Variants in NRXN3 observed in about 807,000 individuals in gnomAD.
NRXN3 encodes neurexin 3, also known as neurexin III.
In NRXN3, 32 loss-of-function variants were observed where a neutral mutation model predicts 137.6. The observed-to-expected ratio is 0.23, with a 90% confidence interval of 0.18 to 0.31. The LOEUF (loss-of-function observed/expected upper bound fraction) is 0.31, where lower values mean the gene tolerates loss of function less well. NRXN3 is among the 10% of genes least tolerant of loss of function. The probability of loss-of-function intolerance (pLI) is 1.00; values close to 1 mark genes in which losing one functional copy is unlikely to be tolerated. For synonymous variants in NRXN3, 798 were observed against 784.5 expected (o/e 1.02, Z -0.29); for missense variants, 1,574 against 2,062.5 (o/e 0.76, Z 4.59).
At chr14:79,255,092 T>C (rs79544990) in intron 15 of NRXN3, among the ~76,000 whole-genome samples, 1 of 151,674 alleles carries the variant, frequency 6.6e-6, no homozygotes, top group Non-Finnish European at 1.5e-5. Flanking sequence ...CACAATGACT[T>C]CTTCTTTCTG....
intron 15 of NRXN3, among the ~76,000 whole-genome samples, chr14:79,359,177 A>C (rs1368277904): frequency 2.0e-5 from 3 of 152,206 alleles, no homozygotes; most frequent in Admixed American, 6.5e-5. Context: ...GGTAGCAAAG[A>C]CAATTCTTTC....
chr14:78,708,324 T>C (rs1357162773), intron 6 of NRXN3, among the ~76,000 whole-genome samples: 2 of 152,230 alleles, frequency 1.3e-5, no homozygotes, highest in East Asian at 3.8e-4. Flanking sequence ...TTCAGTATTC[T>C]TTGTAAAATC....
At chr14:78,656,285 G>C (rs976823003) in intron 6 of NRXN3, among the ~76,000 whole-genome samples, 3 of 152,220 alleles carry the variant, frequency 2.0e-5, no homozygotes, top group Admixed American at 6.5e-5. Flanking sequence ...TTACAATGTG[G>C]CTGCTGAGGA....
intron 8 of NRXN3, among the ~76,000 whole-genome samples, chr14:78,773,706 G>A (rs190621963): frequency 6.6e-6 from 1 of 152,002 alleles, no homozygotes; most frequent in African/African-American, 2.4e-5. Flanking sequence ...TGACATCTTC[G>A]CCAGCCTGAG....
intron 3 of NRXN3, among the ~76,000 whole-genome samples, chr14:78,289,035 C>A (rs955803300): frequency 3.3e-5 from 5 of 152,260 alleles, no homozygotes; most frequent in South Asian, 2.1e-4. Context: ...CATGGAAGGG[C>A]AAAACCCAGA....
intron 4 of NRXN3, among the ~76,000 whole-genome samples, chr14:78,480,603 T>C (rs928916354): frequency 2.6e-5 from 4 of 152,180 alleles, no homozygotes; most frequent in African/African-American, 9.7e-5. Context: ...ATATTTACTA[T>C]TTTTTTCACA....
intron 8 of NRXN3, among the ~76,000 whole-genome samples, chr14:78,757,409 T>TAAAAAAAAAA (rs59969129): frequency 1.4e-5 from 2 of 138,592 alleles, no homozygotes; most frequent in East Asian, 4.1e-4. Flanking sequence ...TTCCATCTCT[T>TAAAAAAAAAA]AAAAAAAAAA....
chr14:78,343,862 G>A (rs1253732466), intron 4 of NRXN3, among the ~76,000 whole-genome samples: 4 of 152,172 alleles, frequency 2.6e-5, no homozygotes, highest in African/African-American at 9.6e-5. Context: ...GTATTATAAA[G>A]CTCCCCAGGA....
At chr14:78,913,555 G>A (rs2099246705) in intron 10 of NRXN3, among the ~76,000 whole-genome samples, 1 of 151,886 alleles carries the variant, frequency 6.6e-6, no homozygotes, top group Admixed American at 6.6e-5. Context: ...TGGGATTATA[G>A]ATGTGAGCCA....
intron 15 of NRXN3, among the ~76,000 whole-genome samples, chr14:79,090,860 AT>A (rs1431593412): frequency 6.6e-6 from 1 of 152,104 alleles, no homozygotes; most frequent in Non-Finnish European, 1.5e-5. Context: ...TTGACTGAAA[AT>A]TTCCCAGCAT....
chr14:79,621,179 A>T (rs1819437905), intron 16 of NRXN3, among the ~76,000 whole-genome samples: 1 of 152,202 alleles, frequency 6.6e-6, no homozygotes, highest in African/African-American at 2.4e-5. Flanking sequence ...ACTATTAAGC[A>T]TTTAGCCCAA....
chr14:79,021,322 C>A (rs942111810), intron 15 of NRXN3, among the ~76,000 whole-genome samples: 1 of 152,088 alleles, frequency 6.6e-6, no homozygotes, highest in African/African-American at 2.4e-5. Context: ...CAAGAGCCAG[C>A]AGAACAATAC....
chr14:78,572,742 A>AT (rs1006963929), intron 4 of NRXN3, among the ~76,000 whole-genome samples: 1 of 152,104 alleles, frequency 6.6e-6, no homozygotes, highest in African/African-American at 2.4e-5. Context: ...TATATTTTAC[A>AT]TTTTTTGCTT....
chr14:78,172,738 C>T (rs566062521), intron 1 of NRXN3, among the ~76,000 whole-genome samples: 30 of 152,126 alleles, frequency 2.0e-4, no homozygotes, highest in African/African-American at 6.3e-4. Context: ...CCGGACTGTG[C>T]GAATGCCCTT....
At chr14:79,826,012 T>TG (rs201302933) in intron 20 of NRXN3, among the ~76,000 whole-genome samples, 2,204 of 150,740 alleles carry the variant, frequency 0.015, 51 homozygotes, top group African/African-American at 0.05. Context: ...TTTTTTTTTG[T>TG]GGGGGGACAG....
intron 4 of NRXN3, among the ~76,000 whole-genome samples, chr14:78,416,267 C>T (rs2093132077): frequency 6.6e-6 from 1 of 152,120 alleles, no homozygotes; most frequent in African/African-American, 2.4e-5. Context: ...AGACATTTAC[C>T]ATGATGACTT....
At chr14:79,209,107 T>A (rs1399278757) in intron 15 of NRXN3, among the ~76,000 whole-genome samples, 1 of 151,988 alleles carries the variant, frequency 6.6e-6, no homozygotes, top group Non-Finnish European at 1.5e-5. Flanking sequence ...CCTGGCTAAT[T>A]TTTTGTGTTT....
intron 4 of NRXN3, among the ~76,000 whole-genome samples, chr14:78,407,150 G>C (rs1477581290): frequency 6.6e-6 from 1 of 152,116 alleles, no homozygotes; most frequent in Non-Finnish European, 1.5e-5. Context: ...CATATCCTGA[G>C]GTCCTGAGTG....
In NRXN3 at chr14:79,535,917, A is replaced by G. The variant is rs368155611; in HGVS notation, c.3444+68515A>G. Among the ~76,000 whole-genome samples, 9 of 152,298 alleles carry G rather than the reference A, an allele frequency of 5.9e-5. No homozygotes were observed. In the East Asian group the frequency reaches 9.7e-4, roughly 16 times the overall value. On this transcript the variant is annotated intron_variant, in intron 16 of 20. Coordinates refer to ENST00000335750, the MANE Select transcript of NRXN3 (RefSeq NM_001330195.2). ...TGTGTATCCAGGATAGGCATTCTGT[A>G]TTCAGTTACGTGTTGGAGTGCTATC...
Sources: allele counts gnomAD v4.1 joint callset (sites outside exome capture counted in the v4.1 genomes callset), GRCh38; gene constraint gnomAD v4.1.1; transcripts MANE v1.5; gene names NCBI Gene and HGNC (gene_info 2026-07-23, HGNC 2026-07-21).